Variants in SP2 observed in about 807,000 individuals in gnomAD.
The protein encoded by SP2 is Sp2 transcription factor, also known as transcription factor Sp2.
In SP2, 9 loss-of-function variants were observed where a neutral mutation model predicts 50.1. That is an observed-to-expected ratio of 0.18 (90% CI 0.11 to 0.31). The LOEUF (loss-of-function observed/expected upper bound fraction) is 0.31, where lower values mean the gene tolerates loss of function less well. Among genes scored for constraint, SP2 ranks in the 10% least tolerant of loss-of-function variants. The pLI is 1.00. For missense variants in SP2, 581 were observed against 806.5 expected, an observed-to-expected ratio of 0.72 and a Z score of 3.39; for synonymous variants, 313 against 326.6, an observed-to-expected ratio of 0.96 and a Z score of 0.45.
At chr17:47,903,586 G>C (rs906379558) in intron 1 of SP2, among the ~76,000 whole-genome samples, 7 of 152,106 alleles carry the variant, frequency 4.6e-5, no homozygotes, top group Non-Finnish European at 1.0e-4. Flanking sequence ...AGAATCACTT[G>C]AACCGGGGGG....
At chr17:47,898,694 A>G (rs2034430383) in intron 1 of SP2, 1 of 152,226 alleles carries the variant, frequency 6.6e-6, no homozygotes. Context: ...CAGGTGGACA[A>G]TGGCTATGGA....
At chr17:47,920,966 C>A (rs2035433598) in intron 3 of SP2, among the ~76,000 whole-genome samples, 1 of 152,168 alleles carries the variant, frequency 6.6e-6, no homozygotes, top group East Asian at 1.9e-4. Context: ...TCTCTGCAGC[C>A]CCTGACAACT....
At chr17:47,912,892 C>G (rs1696955547) in intron 1 of SP2, among the ~76,000 whole-genome samples, 1 of 152,098 alleles carries the variant, frequency 6.6e-6, no homozygotes, top group Non-Finnish European at 1.5e-5. Flanking sequence ...GACACAGTCT[C>G]ACTCTTGCCC....
chr17:47,910,766 T>C (rs138513228), intron 1 of SP2, among the ~76,000 whole-genome samples: 1 of 152,228 alleles, frequency 6.6e-6, no homozygotes, highest in African/African-American at 2.4e-5. Context: ...TCTAAAGTTA[T>C]GTCATCTTTC....
chr17:47,905,380 C>A (rs887451987), intron 1 of SP2, among the ~76,000 whole-genome samples: 4 of 152,096 alleles, frequency 2.6e-5, no homozygotes, highest in African/African-American at 9.7e-5. Flanking sequence ...GTGTGAAATT[C>A]CTCCAGGGGA....
At chr17:47,920,762 T>C (rs35327676) in intron 3 of SP2, among the ~76,000 whole-genome samples, 4,541 of 152,040 alleles carry the variant, frequency 0.03, 244 homozygotes, top group African/African-American at 0.1. Context: ...CTCTCATTCT[T>C]TTTTTTTATA....
At chr17:47,923,743 C>T (rs891873196) in intron 4 of SP2, among the ~76,000 whole-genome samples, 6 of 152,152 alleles carry the variant, frequency 3.9e-5, no homozygotes, top group Non-Finnish European at 8.8e-5. Flanking sequence ...TCTCTTCATC[C>T]TTAATGAATT....
At chr17:47,903,660 C>T (rs1390709667) in intron 1 of SP2, among the ~76,000 whole-genome samples, 3 of 142,410 alleles carry the variant, frequency 2.1e-5, no homozygotes. Context: ...ACACGGATGA[C>T]GTGGTTTAAG....
At chr17:47,902,776 ATGT>A (rs2034592816) in intron 1 of SP2, among the ~76,000 whole-genome samples, 1 of 151,902 alleles carries the variant, frequency 6.6e-6, no homozygotes, top group Non-Finnish European at 1.5e-5. Context: ...GTTTTTTGAG[ATGT>A]TGTTTTGCTC....
At chr17:47,906,029 A>G (rs1007675445) in intron 1 of SP2, among the ~76,000 whole-genome samples, 6 of 152,228 alleles carry the variant, frequency 3.9e-5, no homozygotes, top group African/African-American at 1.2e-4. Flanking sequence ...GTTTATCACA[A>G]GAGCATCAGG....
chr17:47,900,745 C>T (rs11870852), intron 1 of SP2, among the ~76,000 whole-genome samples: 42,571 of 152,170 alleles, frequency 0.28, 6,849 homozygotes, highest in Middle Eastern at 0.41. Context: ...CCACTGCACC[C>T]CAGCCTGGGT....
At chr17:47,896,435 CG>C in intron 1 of SP2, 142 bp downstream of exon 1, 1 of 351,688 alleles carries the variant, frequency 2.8e-6, no homozygotes, top group Non-Finnish European at 4.5e-6. Context: ...TCAGGAGGGG[CG>C]GGGGAGGGAG....
intron 6 of SP2, among the ~76,000 whole-genome samples, chr17:47,927,270 G>A (rs1377908766): frequency 2.6e-5 from 4 of 151,970 alleles, no homozygotes; most frequent in East Asian, 1.9e-4. Context: ...ATGATGGCTC[G>A]TGCCTGTAAT....
intron 3 of SP2, among the ~76,000 whole-genome samples, chr17:47,922,524 C>CTT (rs56279716): frequency 2.1e-5 from 3 of 142,334 alleles, no homozygotes; most frequent in African/African-American, 2.6e-5. Flanking sequence ...AGACCAGAAA[C>CTT]TTTTTTTTTT....
At chr17:47,917,543 G>GA (rs2035262898) in intron 3 of SP2, among the ~76,000 whole-genome samples, 1 of 150,268 alleles carries the variant, frequency 6.7e-6, no homozygotes, top group Admixed American at 6.6e-5. Flanking sequence ...TTAATGACAA[G>GA]AAAAAAACAG....
intron 1 of SP2, among the ~76,000 whole-genome samples, chr17:47,905,498 T>C (rs968038989): frequency 2.6e-5 from 4 of 152,176 alleles, no homozygotes; most frequent in African/African-American, 7.2e-5. Context: ...GGAGCCTAGT[T>C]CTCTCCAGAA....
At chr17:47,912,158 A>G (rs909881247) in intron 1 of SP2, among the ~76,000 whole-genome samples, 1 of 152,218 alleles carries the variant, frequency 6.6e-6, no homozygotes, top group Non-Finnish European at 1.5e-5. Context: ...TTATAATGCT[A>G]TTCCTTGTGG....
chr17:47,922,609 CT>C (rs1317484262), intron 3 of SP2, among the ~76,000 whole-genome samples: 1 of 151,734 alleles, frequency 6.6e-6, no homozygotes. Context: ...CCTGGAATTC[CT>C]GGGCTCTAAA....
rs555939583 is a variant in SP2, at chr17:47,927,651, G to A, written c.1742-73G>A. 69 of 971,944 alleles carry A rather than the reference G, an allele frequency of 7.1e-5. 1 individual carries two copies. In the South Asian group the frequency reaches 7.7e-4, roughly 11 times the overall value. 60.2% of individuals were successfully genotyped at this position (971,944 alleles called of 1,614,324 possible). A position where few individuals can be genotyped will look rare whatever the true frequency, so the allele number is the denominator to read the frequency against. On this transcript the variant is annotated intron_variant, in intron 6 of 6. Coordinates refer to ENST00000376741, the MANE Select transcript of SP2 (RefSeq NM_003110.6). ...CAGCTTGATTGGGTGCACCTCACAC[G>A]CACCCCACCTTTTTGGGCAGAGACA...
Sources: allele counts gnomAD v4.1 joint callset (sites outside exome capture counted in the v4.1 genomes callset), GRCh38; gene constraint gnomAD v4.1.1; transcripts MANE v1.5; gene names NCBI Gene and HGNC (gene_info 2026-07-23, HGNC 2026-07-21).